The following BRF1 variants were observed in gnomAD, a reference collection of about 807,000 sequenced individuals.
BRF1 encodes the protein transcription factor IIIB 90 kDa subunit.
A neutral mutation model predicts 81.7 loss-of-function variants in BRF1; 59 were observed. The ratio of observed to expected loss-of-function variants is 0.72; its 90% confidence interval spans 0.59 to 0.90. The LOEUF (loss-of-function observed/expected upper bound fraction) is 0.90. Ranked by LOEUF, BRF1 falls within the 40% of genes least tolerant of loss-of-function variation. The pLI, the probability that BRF1 is intolerant of heterozygous loss-of-function variation, is 0.00. For missense variants in BRF1, 1,050 were observed against 936.3 expected, an observed-to-expected ratio of 1.12 and a Z score of -1.58; for synonymous variants, 491 against 395.6, an observed-to-expected ratio of 1.24 and a Z score of -2.86.
intron 1 of BRF1, among the ~76,000 whole-genome samples, chr14:105,287,526 G>A (rs1179430867): frequency 6.6e-6 from 1 of 152,166 alleles, no homozygotes; most frequent in Non-Finnish European, 1.5e-5. Flanking sequence ...AGACAACCTT[G>A]GCCACTTGGG....
intron 11 of BRF1, 93 bp from the exon 12 acceptor site, chr14:105,220,223 G>T: frequency 6.8e-7 from 1 of 1,465,588 alleles, no homozygotes. Context: ...CCTGGGTCTG[G>T]GCTAAGGGCT....
In BRF1 at chr14:105,269,443, A is replaced by T. The variant is rs2056564726; in HGVS notation, c.439+3278T>A. On this transcript the variant is annotated intron_variant, in intron 3 of 17. Coordinates refer to ENST00000547530, the MANE Select transcript of BRF1 (RefSeq NM_001519.4). The surrounding 1 kb of genome is among the most constrained non-coding windows in gnomAD (Gnocchi z 5.0). ...CCACAAACCTGCCTGTTCACAGTGC[A>T]CCGGGCAGTGGGTTTTCGTAAATCC... 6.6e-6 allele frequency among the ~76,000 whole-genome samples: 1 copy of T among 152,170 alleles called. No individual in the cohort carries two copies. Among genetic ancestry groups the T allele is most frequent in the Non-Finnish European group, 1.5e-5 (1 of 68,028 alleles).
chr14:105,310,242 C>T (rs1285452065), intron 1 of BRF1, among the ~76,000 whole-genome samples: 2 of 151,530 alleles, frequency 1.3e-5, no homozygotes, highest in Admixed American at 6.6e-5. Context: ...AGAATGTTAC[C>T]CTAGTGAGCC....
chr14:105,281,742 G>A (rs1277516110), intron 2 of BRF1, among the ~76,000 whole-genome samples: 3 of 151,810 alleles, frequency 2.0e-5, no homozygotes, highest in African/African-American at 7.3e-5. Flanking sequence ...AAAATTACAA[G>A]TCTTTTTTTT....
intron 11 of BRF1, 60 bp downstream of exon 11, chr14:105,221,588 C>G (rs2141485002): frequency 2.6e-6 from 4 of 1,568,044 alleles, no homozygotes; most frequent in Non-Finnish European, 3.4e-6. Context: ...CCATGAGAGG[C>G]ACACGCCTGA....
Position 105,269,336 on chromosome 14 carries a change from G to A in BRF1, c.439+3385C>T, listed in dbSNP as rs1303392367. ...CCCACCAGGCCACCAGCAGCCAGAG[G>A]GGATAGAGTGCGGCCTCCCGTGAGC... On this transcript the variant is annotated intron_variant, in intron 3 of 17. Coordinates refer to ENST00000547530, the MANE Select transcript of BRF1 (RefSeq NM_001519.4). The surrounding 1 kb of genome is among the most constrained non-coding windows in gnomAD (Gnocchi z 5.0). Among the ~76,000 whole-genome samples, 1 of 152,148 alleles carries A rather than the reference G, an allele frequency of 6.6e-6. No individual in the cohort carries two copies. The highest frequency in any genetic ancestry group is 1.9e-4 in the East Asian group (1 of 5,178).
chr14:105,291,287 C>T (rs899031512), intron 1 of BRF1, among the ~76,000 whole-genome samples: 3 of 152,236 alleles, frequency 2.0e-5, no homozygotes, highest in African/African-American at 7.2e-5. Context: ...CAGGGGCCCT[C>T]CATGTCCTGA....
In BRF1 at chr14:105,310,739, A is replaced by G. The variant is rs1595526904; in HGVS notation, c.-162+4583T>C. 3.3e-5 allele frequency among the ~76,000 whole-genome samples: 5 copies of G among 152,266 alleles called. 1 individual carries two copies. In the East Asian group the frequency reaches 9.7e-4, roughly 29 times the overall value. On this transcript the variant is annotated intron_variant, in intron 1 of 17. Transcript: ENST00000327359. Reference sequence around the variant, plus strand: ...TGCTGTGGTTTGATTTTCCCTACACAATTAATACATGTTCATCATGGAGAA... The same window carrying G: ...TGCTGTGGTTTGATTTTCCCTACACGATTAATACATGTTCATCATGGAGAA...
chr14:105,263,744 C>T (rs762290658), intron 3 of BRF1, among the ~76,000 whole-genome samples: 18 of 151,780 alleles, frequency 1.2e-4, no homozygotes, highest in Admixed American at 3.3e-4. Context: ...GCTAACACGG[C>T]GAAACCCTGT....
intron 12 of BRF1, 99 bp downstream of exon 12, chr14:105,219,970 G>T (rs989558128): frequency 6.6e-6 from 9 of 1,369,932 alleles, no homozygotes; most frequent in Middle Eastern, 3.6e-4. Flanking sequence ...TGGGCTCTGG[G>T]CAGGGGAGGT....
chr14:105,295,839 G>C (rs2140535855), intron 1 of BRF1, among the ~76,000 whole-genome samples: 1 of 151,196 alleles, frequency 6.6e-6, no homozygotes, highest in South Asian at 2.1e-4. Context: ...AGAACTTTCA[G>C]GGGCCAAGGC....
intron 5 of BRF1, chr14:105,249,104 G>GCCCCCGCGC: frequency 1.3e-6 from 2 of 1,492,022 alleles, no homozygotes; most frequent in South Asian, 1.2e-5. Context: ...GTGCCCCGCG[G>GCCCCCGCGC]CCCCCGCGCC....
At chr14:105,290,563 C>T (rs764577984) in intron 1 of BRF1, among the ~76,000 whole-genome samples, 1 of 152,150 alleles carries the variant, frequency 6.6e-6, no homozygotes, top group Non-Finnish European at 1.5e-5. Context: ...CAGTGAGATG[C>T]CACGTTAAAT....
intron 10 of BRF1, 28 bp from the exon 11 acceptor site, chr14:105,221,942 C>G (rs373633958): frequency 1.2e-5 from 18 of 1,540,922 alleles, no homozygotes; most frequent in Non-Finnish European, 1.6e-5. Flanking sequence ...ACCTGTTAAC[C>G]AGGCAGAGGG....
At chr14:105,267,214 C>G (rs760127861) in intron 3 of BRF1, among the ~76,000 whole-genome samples, 1 of 152,226 alleles carries the variant, frequency 6.6e-6, no homozygotes, top group Non-Finnish European at 1.5e-5. Flanking sequence ...TCTGCTACGC[C>G]AGCAACAAGA....
At chr14:105,216,696 A>T (rs2141418808) in intron 15 of BRF1, among the ~76,000 whole-genome samples, 1 of 152,322 alleles carries the variant, frequency 6.6e-6, no homozygotes, top group East Asian at 1.9e-4. Flanking sequence ...TACCGCAAAC[A>T]ACAGGAGGCC....
intron 15 of BRF1, chr14:105,212,514 C>T (rs1192616764): frequency 7.1e-6 from 2 of 282,016 alleles, no homozygotes; most frequent in Non-Finnish European, 1.4e-5. Context: ...TGAAGGGACA[C>T]TGTCAGACCC....
chr14:105,247,108 C>T (rs1467776338), intron 5 of BRF1: 1 of 985,482 alleles, frequency 1.0e-6, no homozygotes, highest in African/African-American at 1.7e-5. Flanking sequence ...ACAGAAACCA[C>T]GGCCACAGCA....
At chr14:105,228,783 C>G (rs1002468275) in intron 7 of BRF1, 37 bp downstream of exon 7, 15 of 1,609,832 alleles carry the variant, frequency 9.3e-6, no homozygotes, top group Non-Finnish European at 1.3e-5. Flanking sequence ...GATGAAGCCT[C>G]TGTGTGGTCC....
Sources: allele counts gnomAD v4.1 joint callset (sites outside exome capture counted in the v4.1 genomes callset), GRCh38; gene constraint gnomAD v4.1.1; non-coding constraint Gnocchi (gnomAD v3.1); transcripts MANE v1.5; gene names NCBI Gene and HGNC (gene_info 2026-07-23, HGNC 2026-07-21).